SAMD13: variants seen among roughly 807,000 people sequenced by gnomAD.
SAMD13 encodes the protein sterile alpha motif domain-containing protein 13.
A neutral mutation model predicts 12.4 loss-of-function variants in SAMD13; 9 were observed. The observed-to-expected ratio is 0.72, with a 90% CI of 0.44 to 1.26. The LOEUF (loss-of-function observed/expected upper bound fraction) is 1.26, where lower values mean the gene tolerates loss of function less well. Ranked by LOEUF, SAMD13 falls within the 50% of genes most tolerant of loss-of-function variation. The probability of loss-of-function intolerance (pLI) is 0.00; values close to 1 mark genes in which losing one functional copy is unlikely to be tolerated. For missense variants in SAMD13, 84 were observed against 119.6 expected (o/e 0.70, Z 1.39); for synonymous variants, 46 against 45.4 (o/e 1.01, Z -0.05).
chr1:84,343,011 A>G (rs1400961736), intron 3 of SAMD13, among the ~76,000 whole-genome samples: 1 of 152,198 alleles, frequency 6.6e-6, no homozygotes, highest in Non-Finnish European at 1.5e-5. Context: ...AATTTACAAG[A>G]AAAAAACAAA....
intron 3 of SAMD13, among the ~76,000 whole-genome samples, chr1:84,340,073 A>G (rs964974586): frequency 6.6e-6 from 1 of 152,224 alleles, no homozygotes; most frequent in African/African-American, 2.4e-5. Flanking sequence ...TGTAGGACCC[A>G]GCAATTCCAC....
chr1:84,303,196 T>G lies in SAMD13; in HGVS notation c.-32-7T>G, dbSNP rs1678488820. ...TTAAACACAAGCTTTTCTCCCTTAT[T>G]GATTAGTTGCTGAAGTAAAGGAACC... On this transcript the variant is annotated splice_region_variant and splice_polypyrimidine_tract_variant and intron_variant, in intron 1 of 3. Coordinates refer to ENST00000394834, the MANE Select transcript of SAMD13 (RefSeq NM_001134663.2). 1 of 1,604,454 alleles carries G rather than the reference T, an allele frequency of 6.2e-7. No homozygotes were observed. Among genetic ancestry groups the G allele is most frequent in the African/African-American group, 1.3e-5 (1 of 74,718 alleles).
At chr1:84,345,053 A>C (rs773907349) in intron 3 of SAMD13, 16 of 456,626 alleles carry the variant, frequency 3.5e-5, no homozygotes, top group Non-Finnish European at 7.0e-5. Context: ...TATTGGACAC[A>C]GGATTTTCCA....
upstream of SAMD13, among the ~76,000 whole-genome samples, chr1:84,299,326 G>T (rs1016175650): frequency 1.3e-5 from 2 of 152,140 alleles, no homozygotes; most frequent in Non-Finnish European, 2.9e-5. Context: ...CTATCTGAGC[G>T]CATTCCCAAG....
chr1:84,321,472 T>C (rs1678943012), intron 2 of SAMD13, among the ~76,000 whole-genome samples: 1 of 152,148 alleles, frequency 6.6e-6, no homozygotes, highest in Non-Finnish European at 1.5e-5. Flanking sequence ...GAATAATAAA[T>C]ATCAAATGAA....
rs1196949636 is a variant in SAMD13 at position 84,339,092 on chromosome 1, GAACCTCAA to G, written c.166-10538_166-10531del. On this transcript the variant is annotated intron_variant, in intron 3 of 3. Transcript: ENST00000394834. ...TTGGATTTTGCTTTAACTTTCTCTT[GAACCTCAA>G]TGATCTTCATGCCTATCTATATTCT... is the stretch of plus-strand genomic sequence containing the variant. 3.9e-5 allele frequency among the ~76,000 whole-genome samples: 6 copies of G among 152,158 alleles called. No individual in the cohort carries two copies. The South Asian group carries it at 1.2e-3, about 32-fold the overall frequency.
intron 2 of SAMD13, among the ~76,000 whole-genome samples, chr1:84,314,456 A>G (rs774246607): frequency 6.6e-6 from 1 of 152,168 alleles, no homozygotes; most frequent in Non-Finnish European, 1.5e-5. Flanking sequence ...TAGAGCATAA[A>G]TAATTATCAA....
chr1:84,310,713 ACTATGT>A (rs1678689451), intron 2 of SAMD13, among the ~76,000 whole-genome samples: 1 of 152,218 alleles, frequency 6.6e-6, no homozygotes, highest in African/African-American at 2.4e-5. Context: ...TGATTTCAAA[ACTATGT>A]CTGTTCAAGT....
intron 3 of SAMD13, among the ~76,000 whole-genome samples, chr1:84,349,333 A>G (rs1254116267): frequency 1.3e-5 from 2 of 152,250 alleles, no homozygotes; most frequent in Admixed American, 6.5e-5. Context: ...CAGAAGCAGC[A>G]TCTTTGATCC....
At chr1:84,344,713 A>C (rs315528) in intron 3 of SAMD13, 306,444 of 359,744 alleles carry the variant, frequency 0.85, 132,441 homozygotes, top group Non-Finnish European at 0.91. Context: ...GTGTGCCTCA[A>C]AATGCTTCCT....
chr1:84,342,062 A>C (rs1381393190), intron 3 of SAMD13, among the ~76,000 whole-genome samples: 2 of 152,218 alleles, frequency 1.3e-5, no homozygotes, highest in African/African-American at 2.4e-5. Flanking sequence ...ATAAGTTAGC[A>C]TAAGGAAAAA....
chr1:84,338,590 A>G (rs1679354058), intron 3 of SAMD13, among the ~76,000 whole-genome samples: 1 of 151,906 alleles, frequency 6.6e-6, no homozygotes, highest in Non-Finnish European at 1.5e-5. Context: ...TGTGCCTTCC[A>G]TCATACCCAG....
At position 84,321,135 on chromosome 1, in the gene SAMD13, G is replaced by A. The variant is rs6576699; in HGVS notation, c.54-4502G>A. Among the ~76,000 whole-genome samples, 615 of 152,096 alleles carry A rather than the reference G, an allele frequency of 4.0e-3. 6 individuals are homozygous for A. The highest frequency in any genetic ancestry group is 0.014 in the African/African-American group (586 of 41,502). Reference sequence around the variant, plus strand: ...CCAAATTTGTTATTATTGCATTTCTGTCCCCGTGGTTGTGTCTCTTTAACG... The same window carrying A: ...CCAAATTTGTTATTATTGCATTTCTATCCCCGTGGTTGTGTCTCTTTAACG... On this transcript the variant is annotated intron_variant, in intron 2 of 3. Coordinates refer to ENST00000394834, the MANE Select transcript of SAMD13 (RefSeq NM_001134663.2).
At chr1:84,331,208 T>C (rs544204255) in intron 3 of SAMD13, among the ~76,000 whole-genome samples, 19 of 152,012 alleles carry the variant, frequency 1.2e-4, no homozygotes, top group Non-Finnish European at 1.5e-4. Flanking sequence ...CATAGTGTTC[T>C]AATCACGGCC....
At chr1:84,339,043 G>C (rs1364271345) in intron 3 of SAMD13, among the ~76,000 whole-genome samples, 13 of 152,166 alleles carry the variant, frequency 8.5e-5, no homozygotes, top group Non-Finnish European at 1.5e-5. Context: ...TCATCTTTCA[G>C]CTCCCATATA....
Position 84,331,346 on chromosome 1 carries a change from A to AT in SAMD13, c.165+5598_165+5599insT, listed in dbSNP as rs1198698308. On this transcript the variant is annotated intron_variant, in intron 3 of 3. Transcript: ENST00000394834. ...TCCTTGGTAAAAAAAAAAAAAAAAA[A>AT]AAAAAAAAAAAATTATGGATACAAA... Among the ~76,000 whole-genome samples, 15 of 81,128 alleles carry AT rather than the reference A, an allele frequency of 1.8e-4. 5 individuals carry two copies. The highest frequency in any genetic ancestry group is 5.4e-4 in the African/African-American group (14 of 26,088). The allele number at this position is 81,128 out of a possible 152,430, so 53.2% of individuals were successfully genotyped here. A position where few individuals can be genotyped will look rare whatever the true frequency, so the allele number is the denominator to read the frequency against.
intron 3 of SAMD13, among the ~76,000 whole-genome samples, chr1:84,328,124 G>A (rs1679098069): frequency 3.9e-5 from 6 of 152,204 alleles, no homozygotes; most frequent in Admixed American, 3.3e-4. Context: ...CTTGGAGGCA[G>A]ACATCCCAGA....
At chr1:84,308,288 G>A in intron 2 of SAMD13, among the ~76,000 whole-genome samples, 1 of 152,166 alleles carries the variant, frequency 6.6e-6, no homozygotes, top group East Asian at 1.9e-4. Flanking sequence ...ACTGGACAGG[G>A]CAGAGTTAGA....
chr1:84,303,250 A>G lies in SAMD13; in HGVS notation c.16A>G (p.Met6Val). 1.9e-6 allele frequency: 3 copies of G among 1,613,196 alleles called. No individual in the cohort carries two copies. The highest frequency in any genetic ancestry group is 2.5e-6 in the Non-Finnish European group (3 of 1,179,268). Residue 6 changes from methionine to valine, a missense_variant, in exon 2 of 4, where the codon ATG (methionine) becomes GTG (valine). Transcript: ENST00000394834. ...CAGCCTTCCCATGCTATCTGTTGAC[A>G]TGGAAAACAAGGAAAATGGCTCTGT... MLSVDMENKENGSVGV... is the reference protein window; with the variant it reads MLSVDVENKENGSVGV...
Sources: allele counts gnomAD v4.1 joint callset (sites outside exome capture counted in the v4.1 genomes callset), GRCh38; gene constraint gnomAD v4.1.1; transcripts MANE v1.5; gene names NCBI Gene and HGNC (gene_info 2026-07-23, HGNC 2026-07-21).